FSTL5: variants seen among roughly 807,000 people sequenced by gnomAD.
The protein encoded by FSTL5 is follistatin-related protein 5.
A neutral mutation model predicts 89.1 loss-of-function variants in FSTL5; 62 were observed. The observed-to-expected ratio is 0.70, with a 90% CI of 0.57 to 0.86. The LOEUF is 0.86. Ranked by LOEUF, FSTL5 falls within the 40% of genes least tolerant of loss-of-function variation. FSTL5 has a pLI of 0.00. For missense variants in FSTL5, 1,057 were observed against 1,001.6 expected, an observed-to-expected ratio of 1.06 and a Z score of -0.75; for synonymous variants, 383 against 346.2, an observed-to-expected ratio of 1.11 and a Z score of -1.18.
At chr4:161,882,359 C>T (rs1732660370) in intron 4 of FSTL5, among the ~76,000 whole-genome samples, 1 of 152,038 alleles carries the variant, frequency 6.6e-6, no homozygotes, top group Non-Finnish European at 1.5e-5. Flanking sequence ...AACCACAAAT[C>T]CTCAACTAAT....
chr4:161,544,043 C>G (rs1490171270), intron 8 of FSTL5, among the ~76,000 whole-genome samples: 1 of 151,628 alleles, frequency 6.6e-6, no homozygotes, highest in Non-Finnish European at 1.5e-5. Flanking sequence ...AAAAAGCCAA[C>G]AATGCAATTA....
At chr4:162,024,079 G>C (rs1737193020) in intron 3 of FSTL5, among the ~76,000 whole-genome samples, 1 of 152,072 alleles carries the variant, frequency 6.6e-6, no homozygotes, top group Non-Finnish European at 1.5e-5. Flanking sequence ...CATGCCATTT[G>C]GTGTTTGAAA....
intron 4 of FSTL5, among the ~76,000 whole-genome samples, chr4:161,798,565 C>T (rs1729702748): frequency 6.6e-6 from 1 of 151,208 alleles, no homozygotes; most frequent in Non-Finnish European, 1.5e-5. Context: ...CTGTGGTTCT[C>T]ACATTACAGT....
intron 6 of FSTL5, among the ~76,000 whole-genome samples, chr4:161,670,712 A>T (rs1162573600): frequency 6.6e-6 from 1 of 152,206 alleles, no homozygotes; most frequent in Non-Finnish European, 1.5e-5. Context: ...GCTTGCAGCA[A>T]ACAGATGTAA....
At chr4:161,789,420 C>G (rs961575591) in intron 4 of FSTL5, among the ~76,000 whole-genome samples, 2 of 151,870 alleles carry the variant, frequency 1.3e-5, no homozygotes, top group African/African-American at 4.8e-5. Context: ...CTATAAATTT[C>G]AAATAACAGA....
chr4:161,883,616 G>A (rs1309830364), intron 4 of FSTL5, among the ~76,000 whole-genome samples: 1 of 152,086 alleles, frequency 6.6e-6, no homozygotes, highest in Admixed American at 6.6e-5. Flanking sequence ...CCTAGGCTAT[G>A]TTAACATTTT....
intron 15 of FSTL5, among the ~76,000 whole-genome samples, chr4:161,427,597 GAA>G (rs1342765432): frequency 1.3e-5 from 2 of 152,156 alleles, no homozygotes; most frequent in Non-Finnish European, 2.9e-5. Flanking sequence ...AAATTCCTGA[GAA>G]TTATTCAGCT....
At chr4:161,434,437 C>A (rs1732485595) in intron 15 of FSTL5, among the ~76,000 whole-genome samples, 1 of 151,970 alleles carries the variant, frequency 6.6e-6, no homozygotes. Flanking sequence ...AATATGAGAC[C>A]TCAAAATATA....
chr4:161,923,259 T>C (rs984437688), intron 3 of FSTL5, among the ~76,000 whole-genome samples: 3 of 151,260 alleles, frequency 2.0e-5, no homozygotes, highest in African/African-American at 7.3e-5. Flanking sequence ...TGAATTGTTC[T>C]TTGTGCAAAT....
At chr4:161,439,133 G>A (rs568983231) in intron 15 of FSTL5, among the ~76,000 whole-genome samples, 4 of 152,004 alleles carry the variant, frequency 2.6e-5, no homozygotes, top group South Asian at 2.1e-4. Flanking sequence ...TTATTCAGTC[G>A]GTGTCTTGTA....
intron 7 of FSTL5, 45 bp from the exon 8 acceptor site, chr4:161,587,620 T>C (rs1733662669): frequency 2.0e-6 from 3 of 1,483,962 alleles, no homozygotes; most frequent in Non-Finnish European, 2.8e-6. Context: ...TTTGAATTAA[T>C]TGTAACAATT....
At chr4:162,030,047 C>T (rs140232006) in intron 3 of FSTL5, among the ~76,000 whole-genome samples, 15 of 151,882 alleles carry the variant, frequency 9.9e-5, no homozygotes, top group East Asian at 9.7e-4. Flanking sequence ...TACAGGCATG[C>T]GCTACCACGC....
At chr4:161,463,819 C>A (rs950227126) in intron 13 of FSTL5, among the ~76,000 whole-genome samples, 7 of 152,180 alleles carry the variant, frequency 4.6e-5, no homozygotes, top group Non-Finnish European at 8.8e-5. Flanking sequence ...TGACTGCCGT[C>A]TTCCTCCCAT....
chr4:161,949,906 T>C (rs1192442551), intron 3 of FSTL5, among the ~76,000 whole-genome samples: 1 of 152,140 alleles, frequency 6.6e-6, no homozygotes, highest in Non-Finnish European at 1.5e-5. Context: ...ATATTTAAAA[T>C]TCTCCATCTG....
intron 15 of FSTL5, among the ~76,000 whole-genome samples, chr4:161,452,967 T>G (rs1396037786): frequency 6.6e-6 from 1 of 152,168 alleles, no homozygotes; most frequent in Admixed American, 6.5e-5. Flanking sequence ...TAGTATTAGC[T>G]CCAACTCCAG....
chr4:162,131,746 A>T (rs1732309388), intron 1 of FSTL5, among the ~76,000 whole-genome samples: 1 of 152,238 alleles, frequency 6.6e-6, no homozygotes, highest in Non-Finnish European at 1.5e-5. Context: ...TGGTGTCTGC[A>T]ATGACACTGC....
rs568348807 is a variant in FSTL5, at chr4:161,440,605, C to T, written c.1841+14399G>A. 2.0e-5 allele frequency among the ~76,000 whole-genome samples: 3 copies of T among 152,208 alleles called. No individual in the cohort carries two copies. The East Asian group carries it at 5.8e-4, about 29-fold the overall frequency. The stretch of plus-strand genomic sequence containing the variant: ...GCTTTCCTGACTTTCCTAATGAACA[C>T]CTACTATGATTCTGACTTGGTCGTT... On this transcript the variant is annotated intron_variant, in intron 15 of 15. Coordinates refer to ENST00000306100, the MANE Select transcript of FSTL5 (RefSeq NM_020116.5).
At chr4:161,761,558 C>CT (rs1444545542) in intron 5 of FSTL5, among the ~76,000 whole-genome samples, 1 of 152,132 alleles carries the variant, frequency 6.6e-6, no homozygotes, top group African/African-American at 2.4e-5. Context: ...CATTTTCTGT[C>CT]TCATGTTTAT....
At chr4:162,032,484 T>A (rs942494117) in intron 3 of FSTL5, 1 of 152,174 alleles carries the variant, frequency 6.6e-6, no homozygotes, top group African/African-American at 2.4e-5. Context: ...AGTTTGGGAA[T>A]CCCTGGAAGA....
Sources: allele counts gnomAD v4.1 joint callset (sites outside exome capture counted in the v4.1 genomes callset), GRCh38; gene constraint gnomAD v4.1.1; transcripts MANE v1.5; gene names NCBI Gene and HGNC (gene_info 2026-07-23, HGNC 2026-07-21).